Variants in GAPVD1 observed in about 807,000 individuals in gnomAD.
GAPVD1 encodes the protein GTPase activating protein and VPS9 domains 1, also known as GTPase-activating protein and VPS9 domain-containing protein 1.
Under a neutral mutation model 155.5 loss-of-function variants are expected in GAPVD1, and 35 were observed. That is an observed-to-expected ratio of 0.23 (90% CI 0.17 to 0.30). GAPVD1 has a LOEUF of 0.30. Ranked by LOEUF, GAPVD1 falls within the 10% of genes least tolerant of loss-of-function variation. The pLI is 1.00. For missense variants in GAPVD1, 1,429 were observed against 1,775.7 expected (o/e 0.80, Z 3.51); for synonymous variants, 636 against 619.7 (o/e 1.03, Z -0.39).
intron 8 of GAPVD1, 136 bp from the exon 9 acceptor site, chr9:125,312,316 T>A: frequency 1.7e-6 from 1 of 591,974 alleles, no homozygotes; most frequent in Non-Finnish European, 2.8e-6. Flanking sequence ...TGTTTTGTTT[T>A]TTCTTATTTA....
At chr9:125,336,900 C>T in intron 15 of GAPVD1, 118 bp from the exon 16 acceptor site, 1 of 614,188 alleles carries the variant, frequency 1.6e-6, no homozygotes. Context: ...TGGTATGCCT[C>T]TCAAGTTCTA....
chr9:125,265,093 T>C (rs1304876277), intron 1 of GAPVD1, among the ~76,000 whole-genome samples: 2 of 152,192 alleles, frequency 1.3e-5, no homozygotes, highest in East Asian at 3.8e-4. Flanking sequence ...TGGTTTCATA[T>C]GGGGACTAAT....
At chr9:125,307,574 T>G (rs781675988) in intron 7 of GAPVD1, 27 bp downstream of exon 7, 1 of 1,599,844 alleles carries the variant, frequency 6.3e-7, no homozygotes, top group South Asian at 1.1e-5. Flanking sequence ...TTAAGAGAAT[T>G]TCTCGAAAGT....
In GAPVD1 at chr9:125,298,971, G is replaced by C; in HGVS notation, c.50G>C (p.Arg17Pro). 6.2e-7 allele frequency: 1 copy of C among 1,611,986 alleles called. No homozygotes were observed. The highest frequency in any genetic ancestry group is 8.5e-7 in the Non-Finnish European group (1 of 1,178,700). The change falls in exon 4 of 28, where the codon CGC becomes CCC. Residue 17 changes from arginine (R) to proline (P), a missense_variant. By Grantham distance (103) the Arg-to-Pro change is moderately radical. Transcript: ENST00000297933. Reference sequence around the variant, plus strand: ...CTGGCTCATCACCTCAAGCAGGAACGCTTATATGTAAACTCTGAGAAACAG... The same window carrying C: ...CTGGCTCATCACCTCAAGCAGGAACCCTTATATGTAAACTCTGAGAAACAG... The part of the protein sequence containing the change: ...HTLAHHLKQE[R>P]LYVNSEKQLI...
chr9:125,290,851 G>A (rs1838470256), intron 2 of GAPVD1, among the ~76,000 whole-genome samples: 1 of 151,540 alleles, frequency 6.6e-6, no homozygotes, highest in African/African-American at 2.4e-5. Context: ...AAATTTAGCT[G>A]GATGTGGTGG....
intron 27 of GAPVD1, among the ~76,000 whole-genome samples, chr9:125,361,165 A>G (rs1383334175): frequency 1.3e-5 from 2 of 152,084 alleles, no homozygotes; most frequent in African/African-American, 4.8e-5. Flanking sequence ...CACCGCGCCC[A>G]GCCAAGATTT....
chr9:125,290,423 G>A lies in GAPVD1; in HGVS notation c.-149-5035G>A, dbSNP rs568370615. Among the ~76,000 whole-genome samples, 6 of 152,230 alleles carry A rather than the reference G, an allele frequency of 3.9e-5. No individual in the cohort carries two copies. In the East Asian group the frequency reaches 1.2e-3, roughly 29 times the overall value. On this transcript the variant is annotated intron_variant, in intron 2 of 27. Coordinates refer to ENST00000297933, the MANE Select transcript of GAPVD1 (RefSeq NM_001282680.3). The stretch of plus-strand genomic sequence containing the variant: ...AGGATTGGCAATGACCAGTAGAAAA[G>A]CAGTTCATTCAAAGTAAAAGCAAGT...
intron 6 of GAPVD1, among the ~76,000 whole-genome samples, chr9:125,305,953 G>A (rs997002980): frequency 1.3e-5 from 2 of 152,084 alleles, no homozygotes; most frequent in African/African-American, 4.8e-5. Context: ...ATGCCTGGTC[G>A]ATAATTGTTT....
At chr9:125,339,006 G>A (rs1847459875) in intron 17 of GAPVD1, among the ~76,000 whole-genome samples, 1 of 151,648 alleles carries the variant, frequency 6.6e-6, no homozygotes, top group Non-Finnish European at 1.5e-5. Flanking sequence ...GTTTTAGATA[G>A]GGTCTTGTTT....
At chr9:125,312,343 T>C (rs1044282240) in intron 8 of GAPVD1, 109 bp from the exon 9 acceptor site, 1 of 684,440 alleles carries the variant, frequency 1.5e-6, no homozygotes, top group Non-Finnish European at 2.4e-6. Flanking sequence ...TTACCACTCT[T>C]GTGCATGTGC....
chr9:125,270,911 T>G (rs1169105400), intron 2 of GAPVD1, among the ~76,000 whole-genome samples: 1 of 152,156 alleles, frequency 6.6e-6, no homozygotes. Context: ...ATCGTGCCAT[T>G]GCACTCCAGC....
chr9:125,355,119 T>A (rs949312211), intron 24 of GAPVD1, among the ~76,000 whole-genome samples: 14 of 152,116 alleles, frequency 9.2e-5, no homozygotes, highest in Non-Finnish European at 1.6e-4. Flanking sequence ...CCAAACATAT[T>A]TTTTTTAGAA....
intron 24 of GAPVD1, among the ~76,000 whole-genome samples, chr9:125,355,428 T>G (rs1308755712): frequency 6.6e-6 from 1 of 152,194 alleles, no homozygotes; most frequent in Non-Finnish European, 1.5e-5. Context: ...TATAACAAAT[T>G]CCTTGCACTT....
At chr9:125,307,001 C>G (rs550886807) in intron 6 of GAPVD1, among the ~76,000 whole-genome samples, 6 of 151,976 alleles carry the variant, frequency 3.9e-5, no homozygotes, top group African/African-American at 7.2e-5. Context: ...CGGGGTGGCT[C>G]ACATTTGTAT....
Position 125,263,879 on chromosome 9 carries a change from A to C in GAPVD1, c.-199+1920A>C. ...ATGAAGGTAATCCCGGAGATACTGGATACCCTCATTGGTAAGGTACCAGTA... is the reference window on the plus strand; with the variant it reads ...ATGAAGGTAATCCCGGAGATACTGGCTACCCTCATTGGTAAGGTACCAGTA... On this transcript the variant is annotated intron_variant, in intron 1 of 27. Transcript: ENST00000297933. 1.4e-6 allele frequency: 2 copies of C among 1,411,674 alleles called. 1 individual carries two copies. Among genetic ancestry groups the C allele is most frequent in the Admixed American group, 3.4e-5 (2 of 59,644 alleles). The allele number at this position is 1,411,674 out of a possible 1,614,324, so 87.4% of individuals were successfully genotyped here.
rs1269446930 is a variant in GAPVD1, at chr9:125,305,064, T to C, written c.1031T>C (p.Val344Ala). The C allele has an allele frequency of 6.2e-7, 1 of 1,612,398 alleles. No individual in the cohort carries two copies. Among genetic ancestry groups the C allele is most frequent in the Admixed American group, 1.7e-5 (1 of 60,012 alleles). Reference protein sequence around the residue: ...NEVARFNLMQVGRLLQQLAMT... With the variant: ...NEVARFNLMQAGRLLQQLAMT... ...CCCTACCACTGCTTTGGGTTGCAGG[T>C]AGGCCGCCTTTTGCAGCAGTTAGCA... Residue 344 changes from valine (V) to alanine (A), a missense_variant and splice_region_variant, in exon 6 of 28, where the codon GTA becomes GCA. This residue lies in a region of GAPVD1 where 628 missense variants were observed against 733.4 expected (regional missense o/e 0.86). Transcript: ENST00000297933.
At chr9:125,350,270 A>C in intron 21 of GAPVD1, 25 bp from the exon 22 acceptor site, 2 of 1,293,522 alleles carry the variant, frequency 1.5e-6, no homozygotes, top group Non-Finnish European at 2.2e-6. Context: ...TAAAGAAATT[A>C]ATGTATTTTC....
chr9:125,279,987 C>G (rs1012157173), intron 2 of GAPVD1, among the ~76,000 whole-genome samples: 1 of 151,282 alleles, frequency 6.6e-6, no homozygotes, highest in Non-Finnish European at 1.5e-5. Context: ...GTCTTGAACT[C>G]CCGACGTCAG....
intron 2 of GAPVD1, among the ~76,000 whole-genome samples, chr9:125,287,439 G>A (rs974881793): frequency 6.6e-6 from 1 of 152,090 alleles, no homozygotes; most frequent in African/African-American, 2.4e-5. Flanking sequence ...GCTTGAGCTG[G>A]GGAGGCACAG....
Sources: allele counts gnomAD v4.1 joint callset (sites outside exome capture counted in the v4.1 genomes callset), GRCh38; gene constraint gnomAD v4.1.1; regional missense constraint gnomAD v4.1.1; transcripts MANE v1.5; gene names NCBI Gene and HGNC (gene_info 2026-07-23, HGNC 2026-07-21).